ZNF275: variants seen among roughly 807,000 people sequenced by gnomAD.
ZNF275 encodes zinc finger protein 275.
Under a neutral mutation model 4.3 loss-of-function variants are expected in ZNF275, and 4 were observed. The observed-to-expected ratio is 0.93, with a 90% CI of 0.46 to 2.13. ZNF275 has a LOEUF of 2.13. Ranked by LOEUF, ZNF275 falls within the 30% of genes most tolerant of loss-of-function variation. ZNF275 has a pLI of 0.02. For missense variants in ZNF275, 352 were observed against 397.1 expected, an observed-to-expected ratio of 0.89 and a Z score of 0.97; for synonymous variants, 173 against 166.9, an observed-to-expected ratio of 1.04 and a Z score of -0.28.
At chrX:153,336,046 G>A (rs1317187792) in intron 1 of ZNF275, among the ~76,000 whole-genome samples, 1 of 112,393 alleles carries the variant, frequency 8.9e-6, no homozygotes, top group Non-Finnish European at 1.9e-5. Context: ...TCGATTTTTA[G>A]TAAGATGCCA....
At chrX:153,346,202 T>C (rs1371991060) in intron 3 of ZNF275, among the ~76,000 whole-genome samples, 15 of 106,540 alleles carry the variant, frequency 1.4e-4, no homozygotes, top group Middle Eastern at 5.2e-3. Context: ...AAGTTAGGGT[T>C]GGGGGGCCCA....
chrX:153,335,162 T>C (rs953533645), intron 1 of ZNF275, among the ~76,000 whole-genome samples: 12 of 107,982 alleles, frequency 1.1e-4, no homozygotes, highest in South Asian at 8.5e-4. Flanking sequence ...ATGGTCCCTT[T>C]CAAACAACCC....
rs970129757 is a variant in ZNF275 at position 153,350,295 on chromosome X, A to G, written c.*2320A>G. The G allele has an allele frequency of 4.8e-5, 6 of 124,181 alleles. No homozygotes were observed. Among genetic ancestry groups the G allele is most frequent in the African/African-American group, 1.3e-4 (4 of 31,076 alleles). 10.2% of individuals were successfully genotyped at this position (124,181 alleles called of 1,213,427 possible). ...CCGATGGCTTGTGCGTTATGCTGAT[A>G]GAAGCTGGCAGCACTGCCCTGGGCT... On this transcript the variant is annotated 3_prime_UTR_variant, in exon 4 of 4. Coordinates refer to ENST00000650114, the MANE Select transcript of ZNF275 (RefSeq NM_001367757.1).
At position 153,348,676 on chromosome X, in the gene ZNF275, C is replaced by T. The variant is rs1602834881; in HGVS notation, c.*701C>T. ...CGAGCTCTGCACGGTCGCTCAGTGA[C>T]GATCCCTTCATGAGGCTCTCATTAG... is the stretch of plus-strand genomic sequence containing the variant. On this transcript the variant is annotated 3_prime_UTR_variant, in exon 4 of 4. Transcript: ENST00000650114. 2 of 122,394 alleles carry T rather than the reference C, an allele frequency of 1.6e-5. No homozygotes were observed. The allele number at this position is 122,394 out of a possible 1,213,427, so 10.1% of individuals were successfully genotyped here.
rs927201748 is a variant in ZNF275 at position 153,351,967 on chromosome X, A to G, written c.*3992A>G. 1.8e-5 allele frequency: 2 copies of G among 112,051 alleles called. No homozygotes were observed. The highest frequency in any genetic ancestry group is 6.5e-5 in the African/African-American group (2 of 30,754). The allele number at this position is 112,051 out of a possible 1,213,427, so 9.2% of individuals were successfully genotyped here. A position where few individuals can be genotyped will look rare whatever the true frequency, so the allele number is the denominator to read the frequency against. On this transcript the variant is annotated 3_prime_UTR_variant, in exon 4 of 4. Coordinates refer to ENST00000650114, the MANE Select transcript of ZNF275 (RefSeq NM_001367757.1). ...ACACCTGACCCAAGGGCAGCAAGCAATCATCAGAGCATAGAGCTGACAGAA... is the reference window on the plus strand; with the variant it reads ...ACACCTGACCCAAGGGCAGCAAGCAGTCATCAGAGCATAGAGCTGACAGAA...
Position 153,347,434 on chromosome X carries a change from A to C in ZNF275, c.749A>C (p.Gln250Pro). 8.3e-7 allele frequency: 1 copy of C among 1,211,836 alleles called. No homozygotes were observed. The highest frequency in any genetic ancestry group is 1.1e-6 in the Non-Finnish European group (1 of 895,339). Residue 250 changes from glutamine to proline, a missense_variant, in exon 4 of 4, where the codon CAG (glutamine) becomes CCG (proline). By Grantham distance (76) the Gln-to-Pro change is moderately conservative. Coordinates refer to ENST00000650114, the MANE Select transcript of ZNF275 (RefSeq NM_001367757.1). ...KACSRDFLDR[Q>P]ELLKHQRMHT... Reference sequence around the variant, plus strand: ...TGCAGCAGGGATTTCCTGGATCGCCAGGAGCTTCTCAAGCACCAGCGCATG... The same window carrying C: ...TGCAGCAGGGATTTCCTGGATCGCCCGGAGCTTCTCAAGCACCAGCGCATG...
At chrX:153,334,863 G>A (rs1470611008) in intron 1 of ZNF275, among the ~76,000 whole-genome samples, 3 of 93,057 alleles carry the variant, frequency 3.2e-5, no homozygotes, top group African/African-American at 1.3e-4. Context: ...CTTTTGAGTG[G>A]GTGGGAGTGG....
rs181353320 is a variant in ZNF275, at chrX:153,349,402, T to C, written c.*1427T>C. 1.6e-5 allele frequency: 2 copies of C among 124,159 alleles called. No individual in the cohort carries two copies. The highest frequency in any genetic ancestry group is 3.7e-5 in the Non-Finnish European group (2 of 53,390). The allele number at this position is 124,159 out of a possible 1,213,427, so 10.2% of individuals were successfully genotyped here. On this transcript the variant is annotated 3_prime_UTR_variant, in exon 4 of 4. Coordinates refer to ENST00000650114, the MANE Select transcript of ZNF275 (RefSeq NM_001367757.1). ...CCAGTCTCATCTTTCTCTTATGCGA[T>C]GACTTAAATGGTGTTTCTGTTTTTT...
chrX:153,345,093 G>GT (rs2088504182), intron 2 of ZNF275: 1 of 200,361 alleles, frequency 5.0e-6, no homozygotes, highest in African/African-American at 2.9e-5. Flanking sequence ...AAAGGTTGAC[G>GT]TGATCAAGAT....
rs1556961627 is a variant in ZNF275 at position 153,346,924 on chromosome X, G to C, written c.239G>C (p.Arg80Thr). 1 of 1,211,588 alleles carries C rather than the reference G, an allele frequency of 8.3e-7. No individual in the cohort carries two copies. The highest frequency in any genetic ancestry group is 1.1e-6 in the Non-Finnish European group (1 of 895,386). ...PRASGPSPEF[R>T]QHGDSDGKRG... is the part of the protein sequence containing the mutation. ...GCCAGTGGTCCCAGTCCTGAATTCA[G>C]ACAGCACGGGGACTCTGACGGGAAG... Residue 80 changes from arginine to threonine, a missense_variant, in exon 4 of 4, where the codon AGA (arginine) becomes ACA (threonine). Arg to Thr is a moderately conservative substitution (Grantham distance 71). Coordinates refer to ENST00000650114, the MANE Select transcript of ZNF275 (RefSeq NM_001367757.1).
At chrX:153,339,462 A>G (rs2088467518) in intron 2 of ZNF275, among the ~76,000 whole-genome samples, 1 of 111,098 alleles carries the variant, frequency 9.0e-6, no homozygotes, top group African/African-American at 3.3e-5. Context: ...GCTTGAGCCC[A>G]GAAGTTCGAG....
Position 153,347,121 on chromosome X carries a change from G to A in ZNF275, c.436G>A (p.Glu146Lys). The change falls in exon 4 of 4, where the codon GAG (glutamate) becomes AAG (lysine). Residue 146 changes from glutamate (E) to lysine (K), a missense_variant. Physicochemically the swap from Glu to Lys is moderately conservative, Grantham distance 56. Transcript: ENST00000650114. ...CTTTAGGGGGGTGGCGGAGTTTAAT[G>A]AGCACAGGAAAAGCCACGTAGCTGC... Reference protein sequence around the residue: ...KVFRGVAEFNEHRKSHVAAEP... With the variant: ...KVFRGVAEFNKHRKSHVAAEP... 1 of 1,211,371 alleles carries A rather than the reference G, an allele frequency of 8.3e-7. No individual in the cohort carries two copies. Among genetic ancestry groups the A allele is most frequent in the Non-Finnish European group, 1.1e-6 (1 of 895,230 alleles).
intron 2 of ZNF275, among the ~76,000 whole-genome samples, chrX:153,341,218 G>A (rs1353463558): frequency 8.9e-6 from 1 of 112,141 alleles, no homozygotes; most frequent in Non-Finnish European, 1.9e-5. Context: ...AACTATCCAC[G>A]TGGTTGGGTT....
rs931600615 is a variant in ZNF275 at position 153,352,111 on chromosome X, T to C, written c.*4136T>C. On this transcript the variant is annotated 3_prime_UTR_variant, in exon 4 of 4. Coordinates refer to ENST00000650114, the MANE Select transcript of ZNF275 (RefSeq NM_001367757.1). ...ACAGTACTCAGAGGAGTGAGGAGCG[T>C]GGCGCCTGCTGGGAGGAAGGCCTGG... is the stretch of plus-strand genomic sequence containing the variant. 3 of 111,808 alleles carry C rather than the reference T, an allele frequency of 2.7e-5. No individual in the cohort carries two copies. The highest frequency in any genetic ancestry group is 9.5e-5 in the Admixed American group (1 of 10,533). 9.2% of individuals were successfully genotyped at this position (111,808 alleles called of 1,213,427 possible). A position where few individuals can be genotyped will look rare whatever the true frequency, so the allele number is the denominator to read the frequency against.
In ZNF275 at chrX:153,351,716, G is replaced by A. The variant is rs1556962379; in HGVS notation, c.*3741G>A. 8.9e-6 allele frequency: 1 copy of A among 111,795 alleles called. No homozygotes were observed. The highest frequency in any genetic ancestry group is 1.9e-5 in the Non-Finnish European group (1 of 53,186). 9.2% of individuals were successfully genotyped at this position (111,795 alleles called of 1,213,427 possible). A position where few individuals can be genotyped will look rare whatever the true frequency, so the allele number is the denominator to read the frequency against. On this transcript the variant is annotated 3_prime_UTR_variant, in exon 4 of 4. Coordinates refer to ENST00000650114, the MANE Select transcript of ZNF275 (RefSeq NM_001367757.1). ...GATTACCATTTTTGCTGCTTATTAC[G>A]ATGAGCTGTGTCCATTAGCTGTGTC... is the stretch of plus-strand genomic sequence containing the variant.
In ZNF275 at chrX:153,347,707, G is replaced by A. The variant is rs782256821; in HGVS notation, c.1022G>A (p.Arg341His). ...AGCTCCAGCCTCCTGGAGCACGCAC[G>A]CATCCACAGTGGCGAGCGGCCCTAC... Reference protein sequence around the residue: ...RQSSSLLEHARIHSGERPYAC... With the variant: ...RQSSSLLEHAHIHSGERPYAC... Residue 341 changes from arginine to histidine, a missense_variant, in exon 4 of 4, where the codon CGC (arginine) becomes CAC (histidine). Arg to His is a conservative substitution (Grantham distance 29). Coordinates refer to ENST00000650114, the MANE Select transcript of ZNF275 (RefSeq NM_001367757.1). 11 of 1,209,873 alleles carry A rather than the reference G, an allele frequency of 9.1e-6. No homozygotes were observed. The highest frequency in any genetic ancestry group is 6.5e-5 in the Admixed American group (3 of 45,998).
rs782778619 is a variant in ZNF275 at position 153,347,890 on chromosome X, C to T, written c.1205C>T (p.Ala402Val). ...CGCCACCGGCGGATCCACAGTGGGG[C>T]GCGGCGCTGCGAATGCAGCCAGTGT... Reference protein sequence around the residue: ...LSRHRRIHSGARRCECSQCGR... With the variant: ...LSRHRRIHSGVRRCECSQCGR... The change falls in exon 4 of 4, where the codon GCG becomes GTG. Residue 402 changes from alanine (A) to valine (V), a missense_variant. Physicochemically the swap from Ala to Val is moderately conservative, Grantham distance 64 (BLOSUM62 0). Coordinates refer to ENST00000650114, the MANE Select transcript of ZNF275 (RefSeq NM_001367757.1). The T allele has an allele frequency of 9.3e-6, 11 of 1,187,329 alleles. No individual in the cohort carries two copies. The highest frequency in any genetic ancestry group is 7.0e-5 in the African/African-American group (4 of 57,136).
chrX:153,341,266 T>C (rs2088478709), intron 2 of ZNF275, among the ~76,000 whole-genome samples: 1 of 112,259 alleles, frequency 8.9e-6, no homozygotes, highest in African/African-American at 3.2e-5. Flanking sequence ...TATTTGCCTC[T>C]TCCATTCTTT....
rs1347804023 is a variant in ZNF275, at chrX:153,348,548, C to G, written c.*573C>G. The G allele has an allele frequency of 8.2e-6, 1 of 122,424 alleles. No individual in the cohort carries two copies. Among genetic ancestry groups the G allele is most frequent in the African/African-American group, 3.3e-5 (1 of 30,500 alleles). The allele number at this position is 122,424 out of a possible 1,213,427, so 10.1% of individuals were successfully genotyped here. A position where few individuals can be genotyped will look rare whatever the true frequency, so the allele number is the denominator to read the frequency against. Reference sequence around the variant, plus strand: ...AAATACCCCATTTTTGCCACCCTCCCTTTCACGAAATCATTTTACTCTGAC... The same window carrying G: ...AAATACCCCATTTTTGCCACCCTCCGTTTCACGAAATCATTTTACTCTGAC... On this transcript the variant is annotated 3_prime_UTR_variant, in exon 4 of 4. Transcript: ENST00000650114.
Sources: allele counts gnomAD v4.1 joint callset (sites outside exome capture counted in the v4.1 genomes callset), GRCh38; gene constraint gnomAD v4.1.1; transcripts MANE v1.5; gene names NCBI Gene and HGNC (gene_info 2026-07-23, HGNC 2026-07-21).